The following STXBP4 variants were observed in gnomAD, a reference collection of about 807,000 sequenced individuals.
The protein encoded by STXBP4 is syntaxin binding protein 4.
A neutral mutation model predicts 76.1 loss-of-function variants in STXBP4; 55 were observed. The ratio of observed to expected loss-of-function variants is 0.72; its 90% CI spans 0.58 to 0.91. The LOEUF (loss-of-function observed/expected upper bound fraction) is 0.91. Among genes scored for constraint, STXBP4 ranks in the 40% least tolerant of loss-of-function variants. STXBP4 has a pLI of 0.00. For missense variants in STXBP4, 618 were observed against 636.9 expected, an observed-to-expected ratio of 0.97 and a Z score of 0.32; for synonymous variants, 201 against 220.2, an observed-to-expected ratio of 0.91 and a Z score of 0.77.
In STXBP4 at chr17:55,043,377, A is replaced by G. The variant is rs529854606; in HGVS notation, c.945+52A>G. 137 of 1,123,932 alleles carry G rather than the reference A, an allele frequency of 1.2e-4. 2 individuals are homozygous for G. In the East Asian group the frequency reaches 3.7e-3, roughly 31 times the overall value. The allele number at this position is 1,123,932 out of a possible 1,614,324, so 69.6% of individuals were successfully genotyped here. A position where few individuals can be genotyped will look rare whatever the true frequency, so the allele number is the denominator to read the frequency against. On this transcript the variant is annotated intron_variant, in intron 11 of 17. Coordinates refer to ENST00000376352, the MANE Select transcript of STXBP4 (RefSeq NM_178509.6). ...TTTTCTTCAGAAAAAAAAGAAAAAG[A>G]AAAAAATCCTATATTGGATTCTGAA...
intron 12 of STXBP4, among the ~76,000 whole-genome samples, chr17:55,068,720 T>C (rs921056551): frequency 6.6e-6 from 1 of 152,152 alleles, no homozygotes; most frequent in African/African-American, 2.4e-5. Context: ...TCTTTAATTC[T>C]CTTGTGAGAA....
intron 1 of STXBP4, among the ~76,000 whole-genome samples, chr17:54,982,953 GC>G (rs2144344328): frequency 6.6e-6 from 1 of 152,296 alleles, no homozygotes; most frequent in South Asian, 2.1e-4. Context: ...TGGGTTTGGA[GC>G]AAGAAAGAGC....
chr17:55,020,444 A>T (rs542777023), intron 8 of STXBP4, among the ~76,000 whole-genome samples: 1 of 131,812 alleles, frequency 7.6e-6, no homozygotes, highest in Non-Finnish European at 1.7e-5. Flanking sequence ...TTGGCTGTCA[A>T]ATCTGTTTGT....
At position 55,085,223 on chromosome 17, in the gene STXBP4, G is replaced by T. The variant is rs1225203638; in HGVS notation, c.1489+4040G>T. The stretch of plus-strand genomic sequence containing the variant: ...GGGACTGTTGTGGGGTGGGTGGAGG[G>T]GGGAGGGATGGCAGTGGGAGATATA... On this transcript the variant is annotated intron_variant, in intron 16 of 17. Coordinates refer to ENST00000376352, the MANE Select transcript of STXBP4 (RefSeq NM_178509.6). Among the ~76,000 whole-genome samples the T allele has an allele frequency of 3.3e-5, 5 of 152,084 alleles. 2 individuals are homozygous for T. In the Middle Eastern group the frequency reaches 0.016, roughly 481 times the overall value.
intron 8 of STXBP4, among the ~76,000 whole-genome samples, chr17:55,020,226 G>C (rs1473628202): frequency 6.6e-6 from 1 of 152,088 alleles, no homozygotes; most frequent in African/African-American, 2.4e-5. Context: ...TATCTGTGCT[G>C]CATTTTCAAC....
chr17:55,100,984 C>A lies in STXBP4; in HGVS notation c.1489+19801C>A, dbSNP rs150507391. The stretch of plus-strand genomic sequence containing the variant: ...AGTCAAGCCTCAGATGAGACCACAG[C>A]CATGCTCAACCTGTAGATTGAAGCC... On this transcript the variant is annotated intron_variant, in intron 16 of 17. Transcript: ENST00000376352. Among the ~76,000 whole-genome samples, 276 of 152,248 alleles carry A rather than the reference C, an allele frequency of 1.8e-3. 2 individuals carry two copies. The highest frequency in any genetic ancestry group is 3.3e-3 in the Non-Finnish European group (226 of 68,018).
At chr17:55,030,913 T>C (rs1490343742) in intron 8 of STXBP4, 2 of 303,354 alleles carry the variant, frequency 6.6e-6, no homozygotes, top group Non-Finnish European at 6.2e-6. Flanking sequence ...GTTTGATTTT[T>C]GGTTCTAGGA....
chr17:55,115,155 C>G (rs890116041), intron 16 of STXBP4, among the ~76,000 whole-genome samples: 1 of 151,744 alleles, frequency 6.6e-6, no homozygotes, highest in African/African-American at 2.4e-5. Context: ...TGTTTTATTG[C>G]TTGAGTAAAT....
At chr17:55,197,636 G>A in the STXBP4 span, among the ~76,000 whole-genome samples, 8 of 152,080 alleles carry the variant, frequency 5.3e-5, no homozygotes, top group South Asian at 2.1e-4. Flanking sequence ...CCAGCTACTC[G>A]GGAGGCTGAG....
chr17:55,155,464 G>T (rs1230362200), intron 17 of STXBP4, among the ~76,000 whole-genome samples: 1 of 151,272 alleles, frequency 6.6e-6, no homozygotes, highest in East Asian at 1.9e-4. Context: ...TTACTTATTT[G>T]TCTTTGTTTT....
At chr17:55,021,864 A>G (rs1358215949) in intron 8 of STXBP4, among the ~76,000 whole-genome samples, 3 of 152,220 alleles carry the variant, frequency 2.0e-5, no homozygotes, top group Admixed American at 6.5e-5. Flanking sequence ...GTTTCACAAT[A>G]TGTATCAAAA....
At chr17:55,194,286 T>G in the STXBP4 span, among the ~76,000 whole-genome samples, 4 of 152,238 alleles carry the variant, frequency 2.6e-5, no homozygotes, top group East Asian at 7.7e-4. Flanking sequence ...ATATGAAAAA[T>G]ATTGCATCAG....
In STXBP4 at chr17:54,986,213, T is replaced by G; in HGVS notation, c.-7T>G. The G allele has an allele frequency of 1.3e-6, 2 of 1,599,994 alleles. No individual in the cohort carries two copies. The highest frequency in any genetic ancestry group is 1.7e-6 in the Non-Finnish European group (2 of 1,173,934). On this transcript the variant is annotated 5_prime_UTR_variant, in exon 3 of 18. Coordinates refer to ENST00000376352, the MANE Select transcript of STXBP4 (RefSeq NM_178509.6). Reference sequence around the variant, plus strand: ...GCTGTTAAATCCAAGGCTACTTTGGTGAAAGCATGAATAAAAATACATCTA... The same window carrying G: ...GCTGTTAAATCCAAGGCTACTTTGGGGAAAGCATGAATAAAAATACATCTA...
intron 1 of STXBP4, among the ~76,000 whole-genome samples, chr17:54,970,536 T>C (rs970726699): frequency 6.6e-6 from 1 of 152,226 alleles, no homozygotes; most frequent in African/African-American, 2.4e-5. Context: ...GTCTCCATGA[T>C]TCTACAAATT....
chr17:55,019,632 T>C (rs983513610), intron 8 of STXBP4, among the ~76,000 whole-genome samples: 2 of 152,208 alleles, frequency 1.3e-5, no homozygotes, highest in Non-Finnish European at 2.9e-5. Context: ...TTCATTGTTC[T>C]GTTTTGCATT....
At chr17:55,105,847 T>A (rs1012308091) in intron 16 of STXBP4, among the ~76,000 whole-genome samples, 4 of 152,182 alleles carry the variant, frequency 2.6e-5, no homozygotes, top group Non-Finnish European at 5.9e-5. Flanking sequence ...TACATTCTTT[T>A]GCATTTGCTG....
At chr17:55,192,083 A>T in the STXBP4 span, among the ~76,000 whole-genome samples, 1 of 152,210 alleles carries the variant, frequency 6.6e-6, no homozygotes, top group African/African-American at 2.4e-5. Flanking sequence ...TTTGTGAATT[A>T]TGTAATTTAA....
intron 12 of STXBP4, among the ~76,000 whole-genome samples, chr17:55,066,719 A>G (rs2079055707): frequency 6.6e-6 from 1 of 152,132 alleles, no homozygotes; most frequent in South Asian, 2.1e-4. Flanking sequence ...TATAAAAAGA[A>G]TATAATGCAG....
At chr17:54,980,969 A>C (rs1368454658) in intron 1 of STXBP4, among the ~76,000 whole-genome samples, 1 of 151,766 alleles carries the variant, frequency 6.6e-6, no homozygotes, top group Non-Finnish European at 1.5e-5. Flanking sequence ...ATTTGTTTTT[A>C]AGCTCATTAG....
Sources: gnomAD v4.1 joint callset for allele counts (sites outside exome capture counted in the v4.1 genomes callset) on GRCh38, gnomAD v4.1.1 for gene constraint, MANE v1.5 for transcripts, NCBI Gene and HGNC (gene_info 2026-07-23, HGNC 2026-07-21) for gene names.